MYO18B: variants seen among roughly 807,000 people sequenced by gnomAD.
MYO18B encodes the protein myosin XVIIIB.
MYO18B carries 204 observed loss-of-function variants against 273.0 expected under a neutral mutation model. The ratio of observed to expected loss-of-function variants is 0.75; its 90% CI spans 0.67 to 0.84. The LOEUF is 0.84. Among genes scored for constraint, MYO18B ranks in the 40% least tolerant of loss-of-function variants. The probability of loss-of-function intolerance (pLI) is 0.00; values close to 1 mark genes in which losing one functional copy is unlikely to be tolerated. For synonymous variants in MYO18B, 1,330 were observed against 1,305.7 expected, an observed-to-expected ratio of 1.02 and a Z score of -0.40; for missense variants, 3,212 against 3,287.6, an observed-to-expected ratio of 0.98 and a Z score of 0.56.
the MYO18B span, among the ~76,000 whole-genome samples, chr22:26,039,437 A>G: frequency 2.6e-5 from 4 of 151,978 alleles, no homozygotes; most frequent in South Asian, 6.3e-4. Context: ...TTGAGCATCC[A>G]CTCAAAAGAC....
Position 26,023,494 on chromosome 22 carries a change from TCTACCTCCTCCC to T in MYO18B, c.6471-2950_6471-2939del, listed in dbSNP as rs1569304583. ...TCCTCCTCCCTCCTCCTCCTCCTCC[TCTACCTCCTCCC>T]TCCTCCTCCCTCCTCCTCTTCCTCC... On this transcript the variant is annotated intron_variant, in intron 42 of 43. Transcript: ENST00000335473. 2.8e-3 allele frequency among the ~76,000 whole-genome samples: 413 copies of T among 150,134 alleles called. 3 individuals carry two copies. Among genetic ancestry groups the T allele is most frequent in the African/African-American group, 9.4e-3 (384 of 40,668 alleles).
intron 39 of MYO18B, among the ~76,000 whole-genome samples, chr22:25,988,067 C>T (rs1008298714): frequency 3.3e-5 from 5 of 151,944 alleles, no homozygotes; most frequent in Non-Finnish European, 5.9e-5. Flanking sequence ...GAGCCAAGCC[C>T]GAGCAAGCGT....
intron 11 of MYO18B, among the ~76,000 whole-genome samples, chr22:25,787,272 GCACACACACACACACACACACA>G (rs10598069): frequency 5.9e-5 from 8 of 136,582 alleles, no homozygotes; most frequent in African/African-American, 1.0e-4. Context: ...GCAGGCGCGC[GCACACACACACACACACACACA>G]CACACACACA....
At chr22:25,863,944 T>C (rs695295) in intron 21 of MYO18B, among the ~76,000 whole-genome samples, 265 of 152,350 alleles carry the variant, frequency 1.7e-3, no homozygotes, top group African/African-American at 6.1e-3. Context: ...TTCTGGCATG[T>C]TTAAGGTCCA....
intron 35 of MYO18B, 28 bp from the exon 36 acceptor site, chr22:25,947,684 G>A: frequency 2.5e-6 from 4 of 1,585,276 alleles, no homozygotes; most frequent in Non-Finnish European, 3.5e-6. Context: ...CTCTCACCTT[G>A]CCTTGACCAC....
At chr22:25,983,326 A>C (rs1230105217) in intron 39 of MYO18B, 1 of 152,254 alleles carries the variant, frequency 6.6e-6, no homozygotes, top group Non-Finnish European at 1.5e-5. Context: ...CTATGATCAC[A>C]CTACTGCATT....
chr22:25,776,723 A>G (rs2086929161), intron 7 of MYO18B, among the ~76,000 whole-genome samples: 2 of 152,258 alleles, frequency 1.3e-5, no homozygotes, highest in African/African-American at 2.4e-5. Flanking sequence ...AATATAACCA[A>G]TGACATAGAG....
chr22:25,914,308 T>C (rs966109821), intron 33 of MYO18B, among the ~76,000 whole-genome samples: 1 of 152,236 alleles, frequency 6.6e-6, no homozygotes, highest in African/African-American at 2.4e-5. Flanking sequence ...TGGAATTGCA[T>C]TGATTTACAA....
chr22:25,985,661 G>A (rs1601757344), intron 39 of MYO18B, among the ~76,000 whole-genome samples: 3 of 110,918 alleles, frequency 2.7e-5, no homozygotes, highest in East Asian at 2.0e-4. Context: ...ATGGAGTCTC[G>A]CTCTGTCACC....
chr22:25,913,743 C>T (rs992958929), intron 33 of MYO18B, among the ~76,000 whole-genome samples: 1 of 152,180 alleles, frequency 6.6e-6, no homozygotes, highest in Non-Finnish European at 1.5e-5. Context: ...CATTCATGAT[C>T]TTTATACAAG....
chr22:26,030,687 G>C lies in MYO18B; in HGVS notation c.*257G>C. Reference sequence around the variant, plus strand: ...GCCTTGCTACCTGGGATTCCAGAGAGTTGATGGGGTGCAGATAGGGGTAGG... The same window carrying C: ...GCCTTGCTACCTGGGATTCCAGAGACTTGATGGGGTGCAGATAGGGGTAGG... On this transcript the variant is annotated 3_prime_UTR_variant, in exon 44 of 44. Transcript: ENST00000335473. The C allele has an allele frequency of 2.7e-6, 1 of 373,244 alleles. No homozygotes were observed. Among genetic ancestry groups the C allele is most frequent in the Non-Finnish European group, 4.8e-6 (1 of 210,206 alleles). The allele number at this position is 373,244 out of a possible 1,614,324, so 23.1% of individuals were successfully genotyped here.
rs771322551 is a variant in MYO18B at position 25,769,212 on chromosome 22, T to C, written c.1296T>C (p.Pro432=). Residue 432 remains proline, a synonymous_variant, in exon 4 of 44, where the codon CCT becomes CCC. Coordinates refer to ENST00000335473, the MANE Select transcript of MYO18B (RefSeq NM_032608.7). ...VSTMVESPAA[P]GKGGWPGSRG... ...CAATGGTGGAGTCGCCAGCAGCTCCTGGGAAGGGAGGCTGGCCAGGAAGCC... is the reference window on the plus strand; with the variant it reads ...CAATGGTGGAGTCGCCAGCAGCTCCCGGGAAGGGAGGCTGGCCAGGAAGCC... The C allele has an allele frequency of 6.2e-7, 1 of 1,605,732 alleles. No individual in the cohort carries two copies. The highest frequency in any genetic ancestry group is 8.5e-7 in the Non-Finnish European group (1 of 1,176,286).
the MYO18B span, among the ~76,000 whole-genome samples, chr22:26,051,058 G>A: frequency 2.0e-5 from 3 of 152,254 alleles, no homozygotes; most frequent in Admixed American, 6.5e-5. Flanking sequence ...GGAACAAAGC[G>A]CGTGTTACAT....
intron 39 of MYO18B, among the ~76,000 whole-genome samples, chr22:25,959,676 A>C (rs2092896739): frequency 6.6e-6 from 1 of 152,166 alleles, no homozygotes; most frequent in East Asian, 1.9e-4. Context: ...ACAAACGTTT[A>C]TTGAGTTGTT....
At chr22:26,021,510 C>T (rs1935815363) in intron 42 of MYO18B, among the ~76,000 whole-genome samples, 1 of 152,222 alleles carries the variant, frequency 6.6e-6, no homozygotes, top group Non-Finnish European at 1.5e-5. Context: ...ACTCACTCAA[C>T]ACAAATTCAT....
intron 21 of MYO18B, among the ~76,000 whole-genome samples, chr22:25,867,212 C>A (rs567283190): frequency 1.3e-5 from 2 of 152,310 alleles, no homozygotes; most frequent in East Asian, 1.9e-4. Context: ...GCAACTATCA[C>A]AACATCCATC....
intron 34 of MYO18B, among the ~76,000 whole-genome samples, chr22:25,927,567 G>A (rs2092438901): frequency 6.6e-6 from 1 of 152,048 alleles, no homozygotes; most frequent in Non-Finnish European, 1.5e-5. Flanking sequence ...ATTTCGCCTC[G>A]GTCCTGTGGT....
At chr22:26,040,030 G>A in the MYO18B span, among the ~76,000 whole-genome samples, 6 of 152,024 alleles carry the variant, frequency 3.9e-5, no homozygotes, top group East Asian at 9.6e-4. Context: ...TTTCTGCCAC[G>A]TTGCCGAGAC....
At chr22:25,954,284 T>C (rs2092823709) in intron 38 of MYO18B, among the ~76,000 whole-genome samples, 1 of 152,020 alleles carries the variant, frequency 6.6e-6, no homozygotes, top group African/African-American at 2.4e-5. Flanking sequence ...AAAGGAAAAA[T>C]GTCATAAAAT....
Sources: gnomAD v4.1 joint callset for allele counts (sites outside exome capture counted in the v4.1 genomes callset) on GRCh38, gnomAD v4.1.1 for gene constraint, MANE v1.5 for transcripts, NCBI Gene and HGNC (gene_info 2026-07-23, HGNC 2026-07-21) for gene names.